Variants in SLC25A27 observed in about 807,000 individuals in gnomAD.
SLC25A27 encodes the protein mitochondrial uncoupling protein 4.
Under a neutral mutation model 49.1 loss-of-function variants are expected in SLC25A27, and 35 were observed. The ratio of observed to expected loss-of-function variants is 0.71; its 90% CI spans 0.54 to 0.95. The LOEUF is 0.95. SLC25A27 is among the 40% of genes least tolerant of loss of function. The probability of loss-of-function intolerance (pLI) is 0.00; values close to 1 mark genes in which losing one functional copy is unlikely to be tolerated. For synonymous variants in SLC25A27, 144 were observed against 136.9 expected, an observed-to-expected ratio of 1.05 and a Z score of -0.36; for missense variants, 339 against 397.1, an observed-to-expected ratio of 0.85 and a Z score of 1.24.
At position 46,676,780 on chromosome 6, in the gene SLC25A27, C is replaced by T; in HGVS notation, c.*326C>T. ...GAGTTGCTATTCTATGCTGAAGAGC[C>T]TGCTTAGAGGAGGAGTACCAGGAGG... On this transcript the variant is annotated 3_prime_UTR_variant, in exon 9 of 9. Transcript: ENST00000371347. 8.8e-7 allele frequency: 1 copy of T among 1,135,024 alleles called. No individual in the cohort carries two copies. Among genetic ancestry groups the T allele is most frequent in the Admixed American group, 2.0e-5 (1 of 49,824 alleles). 70.3% of individuals were successfully genotyped at this position (1,135,024 alleles called of 1,614,324 possible).
At chr6:46,663,645 G>T (rs1763235360) in intron 4 of SLC25A27, among the ~76,000 whole-genome samples, 1 of 151,996 alleles carries the variant, frequency 6.6e-6, no homozygotes, top group Non-Finnish European at 1.5e-5. Context: ...TCCCCTCTTT[G>T]TTCTTAATGT....
chr6:46,660,934 G>A (rs995522799), intron 3 of SLC25A27, among the ~76,000 whole-genome samples: 2 of 152,138 alleles, frequency 1.3e-5, no homozygotes, highest in East Asian at 1.9e-4. Context: ...GAACTTTTAG[G>A]GTGGATAGGT....
chr6:46,655,106 G>T (rs1482455017), intron 1 of SLC25A27, among the ~76,000 whole-genome samples: 1 of 152,186 alleles, frequency 6.6e-6, no homozygotes, highest in Non-Finnish European at 1.5e-5. Context: ...GTTAGTACTT[G>T]TAAGGAGGCC....
chr6:46,662,874 T>G (rs1025128402), intron 4 of SLC25A27, among the ~76,000 whole-genome samples: 3 of 152,204 alleles, frequency 2.0e-5, no homozygotes, highest in Non-Finnish European at 4.4e-5. Flanking sequence ...TGGGTTTTCA[T>G]CTTTATAAAC....
chr6:46,653,400 G>A, intron 1 of SLC25A27, 102 bp downstream of exon 1: 2 of 1,453,056 alleles, frequency 1.4e-6, no homozygotes, highest in Non-Finnish European at 1.8e-6. Flanking sequence ...CATCGGAGAG[G>A]TCGCCCCTTC....
At chr6:46,658,876 G>A (rs777395595) in intron 2 of SLC25A27, 86 bp from the exon 3 acceptor site, 1 of 943,218 alleles carries the variant, frequency 1.1e-6, no homozygotes, top group East Asian at 2.4e-5. Flanking sequence ...ACTAGGCCAT[G>A]TCGGAATGTC....
At chr6:46,664,429 A>T (rs1344435982) in intron 4 of SLC25A27, among the ~76,000 whole-genome samples, 2 of 152,192 alleles carry the variant, frequency 1.3e-5, no homozygotes, top group African/African-American at 4.8e-5. Context: ...TTAACCCAGA[A>T]TCTGATAACC....
chr6:46,673,286 G>A (rs1213573631), intron 8 of SLC25A27, among the ~76,000 whole-genome samples: 1 of 152,178 alleles, frequency 6.6e-6, no homozygotes, highest in Non-Finnish European at 1.5e-5. Flanking sequence ...TGTGCAGCAG[G>A]TTACTATCAT....
intron 3 of SLC25A27, among the ~76,000 whole-genome samples, chr6:46,661,736 T>C (rs561692823): frequency 3.3e-5 from 5 of 152,354 alleles, no homozygotes; most frequent in African/African-American, 1.2e-4. Context: ...ACAGAGAGAA[T>C]GACAGCACTG....
intron 3 of SLC25A27, among the ~76,000 whole-genome samples, 175 bp from the exon 4 acceptor site, chr6:46,662,201 C>T (rs1041288435): frequency 2.0e-5 from 3 of 152,110 alleles, no homozygotes; most frequent in Non-Finnish European, 4.4e-5. Flanking sequence ...CTCCTTTAAC[C>T]TCCCATCAGT....
At chr6:46,662,531 T>C (rs1303859494) in intron 4 of SLC25A27, 33 bp downstream of exon 4, 14 of 1,609,276 alleles carry the variant, frequency 8.7e-6, no homozygotes, top group African/African-American at 2.7e-5. Context: ...ACCTCTCTTT[T>C]TCCCTTGGCC....
rs779343845 is a variant in SLC25A27 at position 46,656,016 on chromosome 6, G to A, written c.280G>A (p.Ala94Thr). The A allele has an allele frequency of 9.3e-6, 15 of 1,609,624 alleles. No homozygotes were observed. The highest frequency in any genetic ancestry group is 6.7e-5 in the East Asian group (3 of 44,690). Residue 94 changes from alanine (A) to threonine (T), a missense_variant, in exon 2 of 9, where the codon GCC becomes ACC. Coordinates refer to ENST00000371347, the MANE Select transcript of SLC25A27 (RefSeq NM_004277.5). ...FLKLWQGVTP[A>T]IYRHVVYSGG... is the part of the protein sequence containing the mutation. The stretch of plus-strand genomic sequence containing the variant: ...AAAGCTTTGGCAAGGAGTGACACCC[G>A]CCATTTACAGACACGTAGGTATTTA...
At chr6:46,667,350 T>G (rs1174750835) in intron 5 of SLC25A27, among the ~76,000 whole-genome samples, 1 of 152,210 alleles carries the variant, frequency 6.6e-6, no homozygotes, top group African/African-American at 2.4e-5. Context: ...CTGCTCTGCC[T>G]TGTTTTCCTG....
At chr6:46,674,317 G>T (rs568383687) in intron 8 of SLC25A27, among the ~76,000 whole-genome samples, 12 of 152,282 alleles carry the variant, frequency 7.9e-5, no homozygotes, top group Admixed American at 7.2e-4. Context: ...ATGGCTCAGA[G>T]TATAAGAAGC....
intron 2 of SLC25A27, among the ~76,000 whole-genome samples, chr6:46,656,249 C>G (rs1762975304): frequency 1.3e-5 from 2 of 151,830 alleles, no homozygotes. Flanking sequence ...GGCGCCATCT[C>G]AGCTCACTGC....
chr6:46,655,809 T>G, intron 1 of SLC25A27, 34 bp from the exon 2 acceptor site: 1 of 1,582,566 alleles, frequency 6.3e-7, no homozygotes, highest in Non-Finnish European at 8.6e-7. Flanking sequence ...CTCTGAATGT[T>G]GTGGGTTTTT....
Position 46,664,843 on chromosome 6 carries a change from C to G in SLC25A27, c.576C>G (p.Gly192=), listed in dbSNP as rs1167741775. 1 of 1,607,466 alleles carries G rather than the reference C, an allele frequency of 6.2e-7. No homozygotes were observed. Among genetic ancestry groups the G allele is most frequent in the East Asian group, 2.2e-5 (1 of 44,446 alleles). The change falls in exon 5 of 9, where the codon GGC becomes GGG. Residue 192 remains glycine, a synonymous_variant. Coordinates refer to ENST00000371347, the MANE Select transcript of SLC25A27 (RefSeq NM_004277.5). ...AEGGIRGLWA[G]WVPNIQRAAL... is the part of the protein sequence containing the mutation. ...GAGGAATACGAGGGCTTTGGGCAGGCTGGGTACCCAATATACAAAGAGCAG... is the reference window on the plus strand; with the variant it reads ...GAGGAATACGAGGGCTTTGGGCAGGGTGGGTACCCAATATACAAAGAGCAG...
intron 6 of SLC25A27, among the ~76,000 whole-genome samples, chr6:46,669,518 CT>C (rs1562040848): frequency 6.6e-6 from 1 of 152,160 alleles, no homozygotes; most frequent in African/African-American, 2.4e-5. Context: ...TTAGATGACC[CT>C]AAAAGTAGAC....
At chr6:46,661,840 C>T (rs1041019468) in intron 3 of SLC25A27, among the ~76,000 whole-genome samples, 1 of 152,166 alleles carries the variant, frequency 6.6e-6, no homozygotes, top group Admixed American at 6.5e-5. Flanking sequence ...TTATCTCTGG[C>T]AAGGGATATA....
Sources: gnomAD v4.1 joint callset for allele counts (sites outside exome capture counted in the v4.1 genomes callset) on GRCh38, gnomAD v4.1.1 for gene constraint, MANE v1.5 for transcripts, NCBI Gene and HGNC (gene_info 2026-07-23, HGNC 2026-07-21) for gene names.